Variants in NLGN1 observed in about 807,000 individuals in gnomAD.
NLGN1 encodes the protein neuroligin-1.
NLGN1 carries 12 observed loss-of-function variants against 65.5 expected under a neutral mutation model. The observed-to-expected ratio is 0.18, with a 90% CI of 0.12 to 0.30. NLGN1 has a LOEUF of 0.30. NLGN1 is among the 10% of genes least tolerant of loss of function. NLGN1 has a pLI of 1.00. For synonymous variants in NLGN1, 350 were observed against 359.5 expected (o/e 0.97, Z 0.30); for missense variants, 750 against 1,007.1 (o/e 0.74, Z 3.46).
chr3:173,491,845 G>T (rs369438400), intron 2 of NLGN1, among the ~76,000 whole-genome samples: 1 of 151,740 alleles, frequency 6.6e-6, no homozygotes, highest in East Asian at 1.9e-4. Flanking sequence ...GCTGAAGCCA[G>T]TTTTAGGAGT....
intron 4 of NLGN1, among the ~76,000 whole-genome samples, chr3:173,825,850 C>T (rs1721235473): frequency 6.6e-6 from 1 of 151,978 alleles, no homozygotes; most frequent in African/African-American, 2.4e-5. Context: ...TAATCCTTAA[C>T]TGTGATTTTG....
chr3:174,250,249 GA>G (rs1744534303), intron 4 of NLGN1, among the ~76,000 whole-genome samples: 1 of 152,162 alleles, frequency 6.6e-6, no homozygotes. Flanking sequence ...GCCTAGCACA[GA>G]GTAATGGTCT....
At chr3:174,111,245 G>A (rs1337892567) in intron 4 of NLGN1, among the ~76,000 whole-genome samples, 3 of 151,912 alleles carry the variant, frequency 2.0e-5, no homozygotes, top group Admixed American at 1.3e-4. Flanking sequence ...CAAAGAATGG[G>A]ACTGTAGAAA....
intron 4 of NLGN1, among the ~76,000 whole-genome samples, chr3:174,150,249 AC>A (rs1360327036): frequency 3.3e-4 from 51 of 152,268 alleles, no homozygotes; most frequent in South Asian, 1.2e-3. Context: ...ACTGGCACCT[AC>A]AAAAAATAAT....
chr3:173,623,982 A>C (rs1464841791), intron 3 of NLGN1, among the ~76,000 whole-genome samples: 1 of 152,112 alleles, frequency 6.6e-6, no homozygotes, highest in Non-Finnish European at 1.5e-5. Context: ...TCTTTTTTCA[A>C]ATACAAATAG....
chr3:174,246,146 TG>T (rs1743742465), intron 4 of NLGN1, among the ~76,000 whole-genome samples: 1 of 152,226 alleles, frequency 6.6e-6, no homozygotes, highest in Non-Finnish European at 1.5e-5. Flanking sequence ...CAGACGTCAC[TG>T]GATACTTGCT....
chr3:173,403,230 A>G (rs1184779676), intron 1 of NLGN1, among the ~76,000 whole-genome samples: 1 of 152,142 alleles, frequency 6.6e-6, no homozygotes, highest in East Asian at 1.9e-4. Flanking sequence ...ACTGCGTAAA[A>G]TTACAAATAC....
intron 4 of NLGN1, among the ~76,000 whole-genome samples, chr3:174,181,735 C>T (rs946329214): frequency 6.0e-5 from 9 of 151,260 alleles, no homozygotes; most frequent in Middle Eastern, 3.4e-3. Context: ...TCAAGACCAG[C>T]CTGGGCAACA....
chr3:173,420,727 C>T (rs907277964), intron 1 of NLGN1, among the ~76,000 whole-genome samples: 1 of 151,992 alleles, frequency 6.6e-6, no homozygotes, highest in African/African-American at 2.4e-5. Context: ...TATGTGTGGC[C>T]CAAGACAATT....
At chr3:173,561,579 A>AT (rs1237714975) in intron 2 of NLGN1, among the ~76,000 whole-genome samples, 1 of 152,216 alleles carries the variant, frequency 6.6e-6, no homozygotes, top group Non-Finnish European at 1.5e-5. Flanking sequence ...GGCAAAAATT[A>AT]AATATATGTG....
rs1189080756 is a variant in NLGN1, at chr3:173,605,033, T to A, written c.435T>A (p.Tyr145Ter). ...ATAACTTGGATGTGGTTTCATCATATGTGCAAGACCAGAGCGAAGACTGCC... is the reference window on the plus strand; with the variant it reads ...ATAACTTGGATGTGGTTTCATCATAAGTGCAAGACCAGAGCGAAGACTGCC... The change falls in exon 3 of 7, where the codon TAT becomes TAA. Residue 145 changes from tyrosine (Y) to a stop codon, truncating the protein, a stop_gained. Transcript: ENST00000457714. LOFTEE classifies it high-confidence loss of function. The A allele has an allele frequency of 6.2e-7, 1 of 1,613,348 alleles. No individual in the cohort carries two copies. Among genetic ancestry groups the A allele is most frequent in the East Asian group, 2.2e-5 (1 of 44,850 alleles).
chr3:174,175,219 A>G (rs964132272), intron 4 of NLGN1, among the ~76,000 whole-genome samples: 1 of 151,874 alleles, frequency 6.6e-6, no homozygotes, highest in Non-Finnish European at 1.5e-5. Flanking sequence ...AGATCTGTCC[A>G]ATGATGAATG....
intron 3 of NLGN1, among the ~76,000 whole-genome samples, chr3:173,639,221 C>G (rs960031166): frequency 2.6e-5 from 4 of 152,206 alleles, no homozygotes; most frequent in Non-Finnish European, 5.9e-5. Context: ...TTCTTTCTGG[C>G]TCAGTTAAGG....
At chr3:174,110,834 G>A (rs941662808) in intron 4 of NLGN1, among the ~76,000 whole-genome samples, 7 of 151,766 alleles carry the variant, frequency 4.6e-5, no homozygotes, top group African/African-American at 1.5e-4. Flanking sequence ...AAAGAAACCC[G>A]AGGTAAAATG....
chr3:174,011,061 C>G (rs1725453009), intron 4 of NLGN1, among the ~76,000 whole-genome samples: 1 of 152,096 alleles, frequency 6.6e-6, no homozygotes, highest in South Asian at 2.1e-4. Flanking sequence ...GAATAGCCCC[C>G]TCAGTGGAAG....
chr3:174,167,669 A>T (rs544794710), intron 4 of NLGN1, among the ~76,000 whole-genome samples: 2 of 147,108 alleles, frequency 1.4e-5, no homozygotes, highest in East Asian at 4.0e-4. Flanking sequence ...CAGTCTGGTG[A>T]CTATATGCCT....
At chr3:174,075,402 A>T (rs904945081) in intron 4 of NLGN1, among the ~76,000 whole-genome samples, 5 of 152,156 alleles carry the variant, frequency 3.3e-5, no homozygotes, top group African/African-American at 1.2e-4. Flanking sequence ...AAAATTAGCA[A>T]ATCTATTTAA....
intron 4 of NLGN1, among the ~76,000 whole-genome samples, chr3:173,842,175 A>AT (rs1172687525): frequency 2.0e-5 from 3 of 152,210 alleles, no homozygotes; most frequent in African/African-American, 7.2e-5. Context: ...CATGAGACTC[A>AT]TTCACTTTCA....
chr3:173,441,532 A>T lies in NLGN1; in HGVS notation c.-321+6454A>T, dbSNP rs564914760. Among the ~76,000 whole-genome samples, 16 of 152,240 alleles carry T rather than the reference A, an allele frequency of 1.1e-4. No homozygotes were observed. The South Asian group carries it at 3.3e-3, about 32-fold the overall frequency. On this transcript the variant is annotated intron_variant, in intron 2 of 6. Coordinates refer to ENST00000457714, the Ensembl canonical transcript of NLGN1. ...TTTCAGTATTGTTGTGTCTCTGGTA[A>T]TAGGGAGGCAGGAGGAGAGGCAGAG...
Sources: allele counts gnomAD v4.1 joint callset (sites outside exome capture counted in the v4.1 genomes callset), GRCh38; gene constraint gnomAD v4.1.1; transcripts MANE v1.5; gene names NCBI Gene and HGNC (gene_info 2026-07-23, HGNC 2026-07-21).